DSCAM: variants seen among roughly 807,000 people sequenced by gnomAD.
DSCAM encodes the protein cell adhesion molecule DSCAM.
A neutral mutation model predicts 217.7 loss-of-function variants in DSCAM; 47 were observed. The observed-to-expected ratio is 0.22, with a 90% CI of 0.17 to 0.28. The LOEUF (loss-of-function observed/expected upper bound fraction) is 0.28, where lower values mean the gene tolerates loss of function less well. Ranked by LOEUF, DSCAM falls within the 10% of genes least tolerant of loss-of-function variation. The probability of loss-of-function intolerance (pLI) is 1.00; values close to 1 mark genes in which losing one functional copy is unlikely to be tolerated. For missense variants in DSCAM, 2,080 were observed against 2,618.3 expected, an observed-to-expected ratio of 0.79 and a Z score of 4.49; for synonymous variants, 1,056 against 1,015.3, an observed-to-expected ratio of 1.04 and a Z score of -0.76.
chr21:40,314,532 T>C (rs1257769092), intron 8 of DSCAM, among the ~76,000 whole-genome samples: 2 of 152,206 alleles, frequency 1.3e-5, no homozygotes, highest in Non-Finnish European at 2.9e-5. Context: ...GAAAATGTCA[T>C]GTTGTACCAA....
At chr21:40,252,658 G>A (rs2073320464) in intron 11 of DSCAM, among the ~76,000 whole-genome samples, 1 of 152,294 alleles carries the variant, frequency 6.6e-6, no homozygotes, top group East Asian at 1.9e-4. Flanking sequence ...GTACATGCAA[G>A]TGAGTTTTGA....
chr21:40,569,797 G>A (rs990060186), intron 3 of DSCAM, among the ~76,000 whole-genome samples: 5 of 152,152 alleles, frequency 3.3e-5, no homozygotes, highest in Admixed American at 3.3e-4. Flanking sequence ...ATGAAACTTG[G>A]AGTTTTTCCT....
At chr21:40,805,731 T>C (rs13052637) in intron 1 of DSCAM, among the ~76,000 whole-genome samples, 64,861 of 150,836 alleles carry the variant, frequency 0.43, 16,269 homozygotes, top group African/African-American at 0.7. Context: ...TTTTTTTTAA[T>C]GGAGTCTTGC....
chr21:40,754,672 A>G (rs2091258900), intron 1 of DSCAM, among the ~76,000 whole-genome samples: 1 of 152,182 alleles, frequency 6.6e-6, no homozygotes, highest in Admixed American at 6.5e-5. Context: ...CCTTAGGGGA[A>G]GTGTTGCTAC....
At chr21:40,328,549 A>G (rs566209897) in intron 8 of DSCAM, among the ~76,000 whole-genome samples, 1 of 152,312 alleles carries the variant, frequency 6.6e-6, no homozygotes, top group East Asian at 1.9e-4. Flanking sequence ...AAACATAGGG[A>G]AAAATCTCCT....
At position 40,178,978 on chromosome 21, in the gene DSCAM, TC is replaced by T; in HGVS notation, c.2895del (p.Ile966LeufsTer57). 1 of 1,613,984 alleles carries T rather than the reference TC, an allele frequency of 6.2e-7. No homozygotes were observed. The highest frequency in any genetic ancestry group is 8.5e-7 in the Non-Finnish European group (1 of 1,179,986). ...TYSIRMYAKN[R>X]IGKSEPSNEL... Reference sequence around the variant, plus strand: ...TCGTTGCTGGGCTCGCTCTTGCCAATCCGGTTCTTGGCGTACATGCGGATGC... The same window carrying T: ...TCGTTGCTGGGCTCGCTCTTGCCAATCGGTTCTTGGCGTACATGCGGATGC... On this transcript the variant is annotated frameshift_variant, in exon 15 of 33. Coordinates refer to ENST00000400454, the MANE Select transcript of DSCAM (RefSeq NM_001389.5). LOFTEE classifies it high-confidence loss of function.
intron 1 of DSCAM, among the ~76,000 whole-genome samples, chr21:40,832,513 T>C (rs2092020234): frequency 6.6e-6 from 1 of 152,198 alleles, no homozygotes; most frequent in Non-Finnish European, 1.5e-5. Context: ...ACTCTCTCTA[T>C]GAGTAATTCT....
chr21:40,638,067 G>C (rs1252979730), intron 3 of DSCAM, among the ~76,000 whole-genome samples: 1 of 152,116 alleles, frequency 6.6e-6, no homozygotes, highest in Non-Finnish European at 1.5e-5. Flanking sequence ...ATAGTTCTAT[G>C]AGAACATCAT....
At chr21:40,487,694 C>T (rs182720729) in intron 3 of DSCAM, among the ~76,000 whole-genome samples, 13 of 152,192 alleles carry the variant, frequency 8.5e-5, no homozygotes, top group African/African-American at 1.7e-4. Flanking sequence ...ATCTTAGAGA[C>T]GGAACCAGGG....
At chr21:40,706,588 G>T (rs2090719988) in intron 2 of DSCAM, among the ~76,000 whole-genome samples, 1 of 152,112 alleles carries the variant, frequency 6.6e-6, no homozygotes, top group African/African-American at 2.4e-5. Context: ...TAGACATTTA[G>T]GATGACCTGA....
intron 2 of DSCAM, among the ~76,000 whole-genome samples, chr21:40,698,308 C>T (rs1021978588): frequency 2.6e-5 from 4 of 151,968 alleles, no homozygotes; most frequent in Non-Finnish European, 4.4e-5. Flanking sequence ...TAGAAGGTCA[C>T]GATAAGCAAA....
intron 1 of DSCAM, among the ~76,000 whole-genome samples, chr21:40,822,651 G>A (rs888981160): frequency 4.0e-5 from 6 of 151,868 alleles, no homozygotes; most frequent in South Asian, 2.1e-4. Context: ...TTTCATCTTC[G>A]GTCATTAATA....
chr21:40,647,368 A>G (rs2089960387), intron 3 of DSCAM, among the ~76,000 whole-genome samples: 1 of 152,120 alleles, frequency 6.6e-6, no homozygotes, highest in South Asian at 2.1e-4. Context: ...TTGAGAAAAT[A>G]ATTATAAATA....
intron 3 of DSCAM, among the ~76,000 whole-genome samples, chr21:40,500,817 C>G (rs1232203991): frequency 6.6e-6 from 1 of 152,196 alleles, no homozygotes; most frequent in Admixed American, 6.5e-5. Flanking sequence ...CCTATAGTCT[C>G]CTGCTGATGC....
chr21:40,149,806 A>G (rs1391739274), intron 16 of DSCAM, among the ~76,000 whole-genome samples: 2 of 147,934 alleles, frequency 1.4e-5, no homozygotes, highest in African/African-American at 2.5e-5. Flanking sequence ...ACCATCCATC[A>G]CTCCATCACA....
chr21:40,330,655 T>C (rs961156513), intron 8 of DSCAM, among the ~76,000 whole-genome samples: 14 of 152,030 alleles, frequency 9.2e-5, no homozygotes, highest in Non-Finnish European at 1.8e-4. Flanking sequence ...ATCCTACCTC[T>C]CTTCTGCAGA....
At chr21:40,188,911 G>A (rs532473732) in intron 12 of DSCAM, 131 bp downstream of exon 12, 2 of 887,072 alleles carry the variant, frequency 2.3e-6, no homozygotes, top group African/African-American at 3.3e-5. Context: ...TGTGAAAGGG[G>A]AGAGAAATAG....
chr21:40,766,549 T>G (rs1012801863), intron 1 of DSCAM, among the ~76,000 whole-genome samples: 5 of 151,384 alleles, frequency 3.3e-5, no homozygotes, highest in African/African-American at 1.2e-4. Context: ...AGAAAATGCT[T>G]GCTAGAAGAG....
chr21:40,491,707 T>C (rs2076077520), intron 3 of DSCAM, among the ~76,000 whole-genome samples: 1 of 152,146 alleles, frequency 6.6e-6, no homozygotes, highest in African/African-American at 2.4e-5. Context: ...AACATGCTAG[T>C]CACACTCCTG....
Sources: gnomAD v4.1 joint callset for allele counts (sites outside exome capture counted in the v4.1 genomes callset) on GRCh38, gnomAD v4.1.1 for gene constraint, MANE v1.5 for transcripts, NCBI Gene and HGNC (gene_info 2026-07-23, HGNC 2026-07-21) for gene names.